DET1: variants seen among roughly 807,000 people sequenced by gnomAD.
The protein encoded by DET1 is DET1 homolog.
A neutral mutation model predicts 43.7 loss-of-function variants in DET1; 22 were observed. The ratio of observed to expected loss-of-function variants is 0.50; its 90% confidence interval spans 0.36 to 0.72. The LOEUF (loss-of-function observed/expected upper bound fraction) is 0.72. DET1 is among the 30% of genes least tolerant of loss of function. DET1 has a pLI of 0.00. For missense variants in DET1, 713 were observed against 713.3 expected (o/e 1.00, Z 0.00); for synonymous variants, 315 against 266.2 (o/e 1.18, Z -1.79).
rs778682836 is a variant in DET1 at position 88,531,017 on chromosome 15, G to A, written c.689C>T (p.Ala230Val). 4 of 1,613,470 alleles carry A rather than the reference G, an allele frequency of 2.5e-6. No individual in the cohort carries two copies. Among genetic ancestry groups the A allele is most frequent in the Admixed American group, 3.3e-5 (2 of 59,972 alleles). The change falls in exon 2 of 5, where the codon GCC (alanine) becomes GTC (valine). Residue 230 changes from alanine to valine, a missense_variant. Transcript: ENST00000268148. This position sits in a 1 kb window ranked among gnomAD's most constrained non-coding sequence, Gnocchi z 6.2. ...QGLYLYKNIL[A>V]ILSVQQQTIH... ...GGTCTGTTGTTGCACAGACAAGATG[G>A]CCAGGATGTTTTTGTACAAGTACAG... is the stretch of plus-strand genomic sequence containing the variant.
intron 3 of DET1, among the ~76,000 whole-genome samples, chr15:88,517,400 A>T (rs879467604): frequency 1.3e-5 from 2 of 151,326 alleles, no homozygotes; most frequent in Non-Finnish European, 2.9e-5. Context: ...TAATTTTTGT[A>T]TTTTTTATAG....
chr15:88,525,196 A>G (rs987690310), intron 3 of DET1, among the ~76,000 whole-genome samples: 1 of 152,218 alleles, frequency 6.6e-6, no homozygotes, highest in Non-Finnish European at 1.5e-5. Context: ...GTTATATTTT[A>G]AAGTGTTGGA....
Position 88,513,423 on chromosome 15 carries a change from G to A in DET1, c.1464-283C>T, listed in dbSNP as rs139532490. 7.7e-4 allele frequency among the ~76,000 whole-genome samples: 117 copies of A among 152,004 alleles called. 1 individual carries two copies. The highest frequency in any genetic ancestry group is 2.5e-3 in the African/African-American group (105 of 41,426). ...TTACAGCCTTAATTATAGCCTCTCC[G>A]CTTCCAGACGTTCCTGCCTCAAGGT... On this transcript the variant is annotated intron_variant, in intron 4 of 4. Transcript: ENST00000268148.
At chr15:88,505,663 C>T (rs938323317) in intron 7 of DET1, 1 of 152,188 alleles carries the variant, frequency 6.6e-6, no homozygotes, top group African/African-American at 2.4e-5. Context: ...CAACTGCTGC[C>T]TTGCTGACAC....
At chr15:88,521,055 A>T (rs12591443) in intron 3 of DET1, among the ~76,000 whole-genome samples, 105,754 of 152,020 alleles carry the variant, frequency 0.7, 37,070 homozygotes, top group South Asian at 0.8. Context: ...TTAAAGCCAA[A>T]GCCATAGAAT....
chr15:88,536,573 T>C (rs2142325812), intron 1 of DET1, among the ~76,000 whole-genome samples: 1 of 150,412 alleles, frequency 6.6e-6, no homozygotes, highest in East Asian at 2.0e-4. Context: ...AGGTCAGGAG[T>C]TCGAGACCAG....
At chr15:88,525,737 T>C (rs571052471) in intron 3 of DET1, among the ~76,000 whole-genome samples, 15 of 152,044 alleles carry the variant, frequency 9.9e-5, no homozygotes, top group African/African-American at 3.4e-4. Context: ...TCATGGCTCA[T>C]TACAACCTTT....
chr15:88,546,653 C>G lies in DET1; in HGVS notation c.-124G>C, dbSNP rs568055924. The stretch of plus-strand genomic sequence containing the variant: ...CAGGACTCCTGCACCCGCGGCTGCA[C>G]GTTCCCGTTTCCGCCAGCCACCGGA... On this transcript the variant is annotated 5_prime_UTR_variant, in exon 1 of 5. Coordinates refer to ENST00000268148, the MANE Select transcript of DET1 (RefSeq NM_001144074.3). The G allele has an allele frequency of 6.6e-6, 1 of 152,482 alleles. No homozygotes were observed. The highest frequency in any genetic ancestry group is 1.5e-5 in the Non-Finnish European group (1 of 68,328). The allele number at this position is 152,482 out of a possible 1,614,324, so 9.4% of individuals were successfully genotyped here. A position where few individuals can be genotyped will look rare whatever the true frequency, so the allele number is the denominator to read the frequency against.
chr15:88,509,482 T>A (rs1416437371), downstream of DET1, among the ~76,000 whole-genome samples: 3 of 152,194 alleles, frequency 2.0e-5, no homozygotes, highest in Non-Finnish European at 4.4e-5. Context: ...AGACATGGTT[T>A]TTCTGCAGCT....
At chr15:88,524,964 A>AT (rs1567063953) in intron 3 of DET1, among the ~76,000 whole-genome samples, 1 of 152,114 alleles carries the variant, frequency 6.6e-6, no homozygotes, top group South Asian at 2.1e-4. Context: ...TTAAAAAAAA[A>AT]TTTTTCAATG....
intron 4 of DET1, among the ~76,000 whole-genome samples, chr15:88,514,127 T>C (rs1174742053): frequency 6.6e-6 from 1 of 152,200 alleles, no homozygotes; most frequent in African/African-American, 2.4e-5. Flanking sequence ...AGGTTCTTTT[T>C]CATGCACAGA....
rs563296125 is a variant in DET1, at chr15:88,504,805, T to A, written c.*2066-818A>T. On this transcript the variant is annotated intron_variant and NMD_transcript_variant, in intron 7 of 8. Coordinates refer to the DET1 transcript ENST00000557842. The surrounding 1 kb of genome is among the most constrained non-coding windows in gnomAD (Gnocchi z 4.7). ...CTTACCTGCTGTCTGGCACATTAATTTCTGCAGAAACCACAACACAGGCTC... is the reference window on the plus strand; with the variant it reads ...CTTACCTGCTGTCTGGCACATTAATATCTGCAGAAACCACAACACAGGCTC... The A allele has an allele frequency of 2.3e-4, 35 of 152,334 alleles. No homozygotes were observed. The highest frequency in any genetic ancestry group is 8.4e-4 in the African/African-American group (35 of 41,554). 9.4% of individuals were successfully genotyped at this position (152,334 alleles called of 1,614,324 possible).
chr15:88,532,358 T>G (rs1258552126), intron 1 of DET1, among the ~76,000 whole-genome samples: 2 of 152,122 alleles, frequency 1.3e-5, no homozygotes, highest in Non-Finnish European at 2.9e-5. Context: ...CAAAAAATAT[T>G]TATTGGGCTG....
At chr15:88,541,954 C>G (rs1235536162) in intron 1 of DET1, among the ~76,000 whole-genome samples, 2 of 152,206 alleles carry the variant, frequency 1.3e-5, no homozygotes, top group Non-Finnish European at 2.9e-5. Flanking sequence ...AGCCCCTCTA[C>G]TACCACTGAG....
intron 3 of DET1, among the ~76,000 whole-genome samples, chr15:88,521,178 T>G (rs2056480952): frequency 6.6e-6 from 1 of 152,194 alleles, no homozygotes; most frequent in Non-Finnish European, 1.5e-5. Context: ...TTGTTGTCCC[T>G]CAAATGCATC....
At position 88,512,499 on chromosome 15, in the gene DET1, T is replaced by C; in HGVS notation, c.*452A>G. The C allele has an allele frequency of 2.0e-6, 2 of 987,348 alleles. No individual in the cohort carries two copies. The highest frequency in any genetic ancestry group is 2.4e-6 in the Non-Finnish European group (2 of 830,964). The allele number at this position is 987,348 out of a possible 1,614,324, so 61.2% of individuals were successfully genotyped here. A position where few individuals can be genotyped will look rare whatever the true frequency, so the allele number is the denominator to read the frequency against. On this transcript the variant is annotated 3_prime_UTR_variant, in exon 5 of 5. Coordinates refer to ENST00000268148, the MANE Select transcript of DET1 (RefSeq NM_001144074.3). ...CATATATTTAAGTATGAAAATACCA[T>C]GGCTTTATTTTTCTCTTAAAAAGAT...
In DET1 at chr15:88,523,302, T is replaced by C. The variant is rs1286581986; in HGVS notation, c.1271+4297A>G. ...ATTCTTGAACATTTATTTTGACCTA[T>C]AAGGGTCCCAATTTCATTGATTTTT... On this transcript the variant is annotated intron_variant, in intron 3 of 4. Transcript: ENST00000268148. Among the ~76,000 whole-genome samples, 10 of 152,168 alleles carry C rather than the reference T, an allele frequency of 6.6e-5. No homozygotes were observed. In the East Asian group the frequency reaches 1.9e-3, roughly 29 times the overall value.
rs2057171809 is a variant in DET1 at position 88,543,693 on chromosome 15, C to T, written c.-11+2847G>A. On this transcript the variant is annotated intron_variant, in intron 1 of 4. Transcript: ENST00000268148. ...CAGTGCAAAAAGCTAAATTGATCGC[C>T]CTCACTCAGGCTCTCCGATGGGGTA... Among the ~76,000 whole-genome samples, 3 of 152,268 alleles carry T rather than the reference C, an allele frequency of 2.0e-5. No homozygotes were observed. The South Asian group carries it at 6.2e-4, about 32-fold the overall frequency.
intron 1 of DET1, among the ~76,000 whole-genome samples, chr15:88,535,753 CAAAAGAAAGAAA>C (rs1193019113): frequency 2.2e-5 from 3 of 134,194 alleles, no homozygotes; most frequent in African/African-American, 5.8e-5. Flanking sequence ...GAGACTCTGT[CAAAAGAAAGAAA>C]AAAAGAAAGA....
Sources: allele counts gnomAD v4.1 joint callset (sites outside exome capture counted in the v4.1 genomes callset), GRCh38; gene constraint gnomAD v4.1.1; non-coding constraint Gnocchi (gnomAD v3.1); transcripts MANE v1.5; gene names NCBI Gene and HGNC (gene_info 2026-07-23, HGNC 2026-07-21).